Variants in ENOX1 observed in about 807,000 individuals in gnomAD.
The protein encoded by ENOX1 is candidate growth-related and time keeping constitutive hydroquinone (NADH) oxidase.
A neutral mutation model predicts 82.5 loss-of-function variants in ENOX1; 42 were observed. That is an observed-to-expected ratio of 0.51 (90% CI 0.40 to 0.66). ENOX1 has a LOEUF of 0.66. ENOX1 is among the 30% of genes least tolerant of loss of function. ENOX1 has a pLI of 0.00. For synonymous variants in ENOX1, 271 were observed against 282.2 expected (o/e 0.96, Z 0.40); for missense variants, 608 against 811.6 (o/e 0.75, Z 3.05).
At chr13:43,702,738 G>T (rs952064039) in intron 1 of ENOX1, among the ~76,000 whole-genome samples, 2 of 151,966 alleles carry the variant, frequency 1.3e-5, no homozygotes, top group African/African-American at 2.4e-5. Flanking sequence ...ATCACTTGAG[G>T]TCAGAAGTTC....
At chr13:43,368,276 C>T (rs569015773) in intron 5 of ENOX1, among the ~76,000 whole-genome samples, 3 of 152,312 alleles carry the variant, frequency 2.0e-5, no homozygotes, top group East Asian at 1.9e-4. Context: ...CAGGATGCAA[C>T]GCTGGCAGAA....
At chr13:43,723,780 C>T (rs558402877) in intron 1 of ENOX1, among the ~76,000 whole-genome samples, 6 of 152,190 alleles carry the variant, frequency 3.9e-5, no homozygotes, top group Admixed American at 2.6e-4. Flanking sequence ...TCTACACACA[C>T]ACACACACAC....
intron 5 of ENOX1, among the ~76,000 whole-genome samples, chr13:43,410,622 ATG>A (rs1197787891): frequency 9.5e-6 from 1 of 104,850 alleles, no homozygotes; most frequent in Admixed American, 9.3e-5. Flanking sequence ...ACATACACAC[ATG>A]TACACACACA....
At chr13:43,678,319 T>C (rs541894672) in intron 1 of ENOX1, among the ~76,000 whole-genome samples, 75 of 152,344 alleles carry the variant, frequency 4.9e-4, no homozygotes, top group African/African-American at 1.7e-3. Context: ...TGGTACTTAG[T>C]CTACAGGCTA....
chr13:43,262,243 T>C, intron 14 of ENOX1, among the ~76,000 whole-genome samples: 1 of 152,108 alleles, frequency 6.6e-6, no homozygotes, highest in East Asian at 1.9e-4. Context: ...TTTCTATAAT[T>C]TGCAAGCTTC....
In ENOX1 at chr13:43,471,497, T is replaced by G. The variant is rs187500230; in HGVS notation, c.-75+12512A>C. 2.0e-5 allele frequency among the ~76,000 whole-genome samples: 3 copies of G among 152,312 alleles called. No individual in the cohort carries two copies. The East Asian group carries it at 5.8e-4, about 29-fold the overall frequency. On this transcript the variant is annotated intron_variant, in intron 3 of 16. Transcript: ENST00000690772. ...TTCAAGTATTTAGGAGGATATGTAC[T>G]AATGTCTATAACTTGCTTTGAAATG... is the stretch of plus-strand genomic sequence containing the variant.
At chr13:43,669,808 T>C (rs1566740661) in intron 1 of ENOX1, among the ~76,000 whole-genome samples, 2 of 152,160 alleles carry the variant, frequency 1.3e-5, no homozygotes, top group African/African-American at 2.4e-5. Flanking sequence ...GCCAGGTCAA[T>C]GATTGAGAGA....
At chr13:43,384,980 T>C (rs921966560) in intron 5 of ENOX1, among the ~76,000 whole-genome samples, 2 of 152,080 alleles carry the variant, frequency 1.3e-5, no homozygotes, top group Admixed American at 1.3e-4. Flanking sequence ...AGAAGGATAT[T>C]GTGTAGAAAG....
chr13:43,772,749 T>TAAAAAAAAAAA lies in ENOX1; in HGVS notation c.-285+13892_-285+13902dup, dbSNP rs35359203. Among the ~76,000 whole-genome samples the TAAAAAAAAAAA allele has an allele frequency of 2.9e-4, 33 of 112,096 alleles. 1 individual carries two copies. The highest frequency in any genetic ancestry group is 4.6e-4 in the African/African-American group (12 of 25,938). The allele number at this position is 112,096 out of a possible 152,430, so 73.5% of individuals were successfully genotyped here. ...GGGCGACAGAGCAAGACTCTGTCTT[T>TAAAAAAAAAAA]AAAAAAAAAAAAAAAAAAAAAAGAA... On this transcript the variant is annotated intron_variant, in intron 1 of 16. Coordinates refer to ENST00000690772, the MANE Select transcript of ENOX1 (RefSeq NM_001347969.2).
intron 12 of ENOX1, among the ~76,000 whole-genome samples, chr13:43,291,814 T>C (rs2046015814): frequency 6.6e-6 from 1 of 152,158 alleles, no homozygotes; most frequent in Non-Finnish European, 1.5e-5. Context: ...TGAATAAACT[T>C]ACAAAAACAA....
intron 16 of ENOX1, among the ~76,000 whole-genome samples, chr13:43,218,547 G>A (rs1402551457): frequency 6.6e-6 from 1 of 152,148 alleles, no homozygotes; most frequent in Non-Finnish European, 1.5e-5. Context: ...GATTCCTTGA[G>A]CACAGGGGTT....
intron 6 of ENOX1, among the ~76,000 whole-genome samples, chr13:43,360,503 T>C (rs976584816): frequency 1.3e-5 from 2 of 151,886 alleles, no homozygotes; most frequent in Admixed American, 6.6e-5. Flanking sequence ...GCACGCACAA[T>C]ACTTACTTGG....
At position 43,734,754 on chromosome 13, in the gene ENOX1, G is replaced by A. The variant is rs560343079; in HGVS notation, c.-285+51898C>T. Among the ~76,000 whole-genome samples, 34 of 152,238 alleles carry A rather than the reference G, an allele frequency of 2.2e-4. No individual in the cohort carries two copies. The South Asian group carries it at 6.9e-3, about 31-fold the overall frequency. On this transcript the variant is annotated intron_variant, in intron 1 of 16. Coordinates refer to ENST00000690772, the MANE Select transcript of ENOX1 (RefSeq NM_001347969.2). ...AAAACAGAGCATTCCTATTGAAGGC[G>A]CTATAATAAAATGTGCTCTAAAGGA...
chr13:43,296,791 C>T (rs975447990), intron 12 of ENOX1, among the ~76,000 whole-genome samples: 2 of 152,172 alleles, frequency 1.3e-5, no homozygotes, highest in African/African-American at 2.4e-5. Context: ...AGACTTTATA[C>T]ACTTTTAAAG....
chr13:43,537,094 T>A (rs1195620231), intron 2 of ENOX1, among the ~76,000 whole-genome samples: 1 of 152,208 alleles, frequency 6.6e-6, no homozygotes, highest in Non-Finnish European at 1.5e-5. Context: ...TCATGAATCC[T>A]GGGCAGAGAA....
At chr13:43,326,058 T>C (rs181588705) in intron 10 of ENOX1, among the ~76,000 whole-genome samples, 19 of 152,094 alleles carry the variant, frequency 1.2e-4, no homozygotes, top group African/African-American at 4.3e-4. Flanking sequence ...CATCATCACG[T>C]AGAACACTAA....
chr13:43,629,967 C>T (rs188769780), intron 2 of ENOX1, among the ~76,000 whole-genome samples: 30 of 152,246 alleles, frequency 2.0e-4, no homozygotes, highest in African/African-American at 6.7e-4. Context: ...AAAGTGAACA[C>T]TACGCAGAGT....
At chr13:43,242,995 G>T (rs2042911388) in intron 14 of ENOX1, among the ~76,000 whole-genome samples, 3 of 152,104 alleles carry the variant, frequency 2.0e-5, no homozygotes, top group Admixed American at 1.3e-4. Context: ...AATTAGCCGA[G>T]CGTGGTAGTG....
chr13:43,441,115 T>C (rs1445521969), intron 3 of ENOX1, among the ~76,000 whole-genome samples: 1 of 152,246 alleles, frequency 6.6e-6, no homozygotes, highest in African/African-American at 2.4e-5. Context: ...TACTGATTTC[T>C]GATATTTCTA....
Sources: gnomAD v4.1 joint callset for allele counts (sites outside exome capture counted in the v4.1 genomes callset) on GRCh38, gnomAD v4.1.1 for gene constraint, MANE v1.5 for transcripts, NCBI Gene and HGNC (gene_info 2026-07-23, HGNC 2026-07-21) for gene names.